The following FAT4 variants were observed in gnomAD, a reference collection of about 807,000 sequenced individuals.
The protein encoded by FAT4 is protocadherin Fat 4.
In FAT4, 84 loss-of-function variants were observed where a neutral mutation model predicts 303.9. The ratio of observed to expected loss-of-function variants is 0.28; its 90% CI spans 0.23 to 0.33. FAT4 has a LOEUF of 0.33. Ranked by LOEUF, FAT4 falls within the 10% of genes least tolerant of loss-of-function variation. The pLI, the probability that FAT4 is intolerant of heterozygous loss-of-function variation, is 1.00. For missense variants in FAT4, 6,005 were observed against 6,146.8 expected (o/e 0.98, Z 0.77); for synonymous variants, 2,307 against 2,298.8 (o/e 1.00, Z -0.10).
At chr4:125,350,523 C>T (rs1389679411) in intron 2 of FAT4, among the ~76,000 whole-genome samples, 1 of 151,626 alleles carries the variant, frequency 6.6e-6, no homozygotes, top group Non-Finnish European at 1.5e-5. Context: ...GAGTGAAAGA[C>T]TAGGAAGGAA....
chr4:125,317,731 C>T lies in FAT4; in HGVS notation c.1320C>T (p.Val440=), dbSNP rs1730688076. The part of the protein sequence containing the change: ...RIPSYNLTVS[V]SDNYGAPPGA... ...CTTCCTACAACCTCACAGTTTCCGT[C>T]TCTGATAACTACGGGGCGCCCCCTG... The change falls in exon 2 of 18, where the codon GTC becomes GTT. Residue 440 remains valine, a synonymous_variant. Transcript: ENST00000394329. The surrounding 1 kb of genome is among the most constrained non-coding windows in gnomAD (Gnocchi z 7.0). 1 of 1,614,152 alleles carries T rather than the reference C, an allele frequency of 6.2e-7. No individual in the cohort carries two copies. The highest frequency in any genetic ancestry group is 8.5e-7 in the Non-Finnish European group (1 of 1,180,042).
chr4:125,324,738 C>G (rs193170115), intron 2 of FAT4, among the ~76,000 whole-genome samples: 45 of 152,170 alleles, frequency 3.0e-4, no homozygotes, highest in Admixed American at 1.3e-3. Flanking sequence ...CCCCTTTATG[C>G]TCTTAAGAAT....
chr4:125,406,712 G>A (rs574593622), intron 3 of FAT4, among the ~76,000 whole-genome samples, 168 bp from the exon 4 acceptor site: 13 of 152,072 alleles, frequency 8.5e-5, no homozygotes, highest in East Asian at 1.9e-4. Context: ...AGCTTTTACC[G>A]CCTTCGTTAG....
In FAT4 at chr4:125,448,972, C is replaced by T. The variant is rs546465658; in HGVS notation, c.7962C>T (p.Tyr2654=). 48 of 1,613,804 alleles carry T rather than the reference C, an allele frequency of 3.0e-5. 1 individual carries two copies. The East Asian group carries it at 5.8e-4, about 19-fold the overall frequency. Residue 2654 remains tyrosine, a synonymous_variant, in exon 10 of 18, where the codon TAC becomes TAT. Transcript: ENST00000394329. ...RDGGFPPFSS[Y]EKLDITVLDV... Reference sequence around the variant, plus strand: ...GTGGTTTCCCTCCTTTCTCCTCTTACGAGAAACTTGATATAACAGTATTAG... The same window carrying T: ...GTGGTTTCCCTCCTTTCTCCTCTTATGAGAAACTTGATATAACAGTATTAG...
intron 17 of FAT4, 56 bp from the exon 18 acceptor site, chr4:125,489,845 C>CT: frequency 4.3e-6 from 2 of 465,044 alleles, no homozygotes; most frequent in South Asian, 2.6e-5. Context: ...GTAGTATAAG[C>CT]TCTTTTTTTT....
intron 12 of FAT4, among the ~76,000 whole-genome samples, chr4:125,474,246 A>G (rs1469205680): frequency 6.6e-6 from 1 of 152,070 alleles, no homozygotes; most frequent in Non-Finnish European, 1.5e-5. Flanking sequence ...TGAGGCATTT[A>G]TAAATATCCA....
Position 125,318,570 on chromosome 4 carries a change from C to G in FAT4, c.2159C>G (p.Thr720Ser). 1 of 1,614,140 alleles carries G rather than the reference C, an allele frequency of 6.2e-7. No homozygotes were observed. Among genetic ancestry groups the G allele is most frequent in the Non-Finnish European group, 8.5e-7 (1 of 1,180,014 alleles). The change falls in exon 2 of 18, where the codon ACC (threonine) becomes AGC (serine). Residue 720 changes from threonine to serine, a missense_variant. Transcript: ENST00000394329. ...TVSATDPDLG[T>S]NGTVKYSISA... ...TCTGCCACTGACCCAGACTTGGGTA[C>G]CAATGGTACTGTCAAATATAGCATA...
chr4:125,427,567 G>A (rs955459033), intron 7 of FAT4, among the ~76,000 whole-genome samples: 4 of 2,324 alleles, frequency 1.7e-3, no homozygotes, highest in Admixed American at 0.021. Context: ...TTTGTTTTAT[G>A]TATTTTTTGT....
At chr4:125,398,515 C>T (rs1734264824) in intron 2 of FAT4, among the ~76,000 whole-genome samples, 1 of 152,128 alleles carries the variant, frequency 6.6e-6, no homozygotes. Flanking sequence ...GACAGTTAAT[C>T]AGTGGACCTT....
intron 11 of FAT4, among the ~76,000 whole-genome samples, chr4:125,467,992 T>C (rs1198662808): frequency 6.6e-6 from 1 of 151,898 alleles, no homozygotes; most frequent in East Asian, 1.9e-4. Context: ...AGGTGAAATC[T>C]CGTCTCTATT....
intron 2 of FAT4, among the ~76,000 whole-genome samples, chr4:125,372,416 C>G (rs1292717288): frequency 6.7e-6 from 1 of 148,710 alleles, no homozygotes; most frequent in Non-Finnish European, 1.5e-5. Flanking sequence ...AGTAATGACA[C>G]TAATAACAAA....
rs764762305 is a variant in FAT4 at position 125,452,072 on chromosome 4, A to G, written c.11062A>G (p.Asn3688Asp). The change falls in exon 10 of 18, where the codon AAT (asparagine) becomes GAT (aspartate). Residue 3688 changes from asparagine (N) to aspartate (D), a missense_variant. Asn to Asp is a conservative substitution (Grantham distance 23). Transcript: ENST00000394329. ...DGTFDLTVLSNDGVHSTVTSN... is the reference protein window; with the variant it reads ...DGTFDLTVLSDDGVHSTVTSN... ...CACGTTTGATCTGACTGTCCTTAGC[A>G]ATGATGGAGTTCACAGCACAGTCAC... 6.2e-7 allele frequency: 1 copy of G among 1,614,050 alleles called. No individual in the cohort carries two copies. The highest frequency in any genetic ancestry group is 8.5e-7 in the Non-Finnish European group (1 of 1,180,034).
At chr4:125,380,229 A>G (rs1733490184) in intron 2 of FAT4, among the ~76,000 whole-genome samples, 1 of 152,178 alleles carries the variant, frequency 6.6e-6, no homozygotes, top group African/African-American at 2.4e-5. Flanking sequence ...GCAGATAGTT[A>G]CCTACTAAAA....
At chr4:125,481,779 C>T in intron 16 of FAT4, 41 bp downstream of exon 16, 4 of 1,556,264 alleles carry the variant, frequency 2.6e-6, no homozygotes, top group Non-Finnish European at 3.5e-6. Flanking sequence ...GATTAGACCG[C>T]CTGCCGTGTA....
At chr4:125,470,733 G>A (rs1376382990) in intron 12 of FAT4, among the ~76,000 whole-genome samples, 1 of 152,184 alleles carries the variant, frequency 6.6e-6, no homozygotes, top group Non-Finnish European at 1.5e-5. Context: ...TGTTGTAACA[G>A]GTTTGATCTT....
intron 7 of FAT4, among the ~76,000 whole-genome samples, chr4:125,421,388 T>C (rs1034673137): frequency 6.6e-6 from 1 of 152,226 alleles, no homozygotes; most frequent in African/African-American, 2.4e-5. Context: ...TATGAAAAAT[T>C]TGCTTGTTTT....
Position 125,449,357 on chromosome 4 carries a change from G to A in FAT4, c.8347G>A (p.Val2783Ile), listed in dbSNP as rs991625077. Reference sequence around the variant, plus strand: ...GTTTTCTCAGATATTTAGTGCCCATGTTCCTGAAAATTCCCCCTTAGGATA... The same window carrying A: ...GTTTTCTCAGATATTTAGTGCCCATATTCCTGAAAATTCCCCCTTAGGATA... The part of the protein sequence containing the change: ...PRFSQIFSAH[V>I]PENSPLGYTV... Residue 2783 changes from valine (V) to isoleucine (I), a missense_variant, in exon 10 of 18, where the codon GTT (valine) becomes ATT (isoleucine). Physicochemically the swap from Val to Ile is conservative, Grantham distance 29. Coordinates refer to ENST00000394329, the MANE Select transcript of FAT4 (RefSeq NM_001291303.3). The A allele has an allele frequency of 2.5e-6, 4 of 1,613,822 alleles. No individual in the cohort carries two copies. Among genetic ancestry groups the A allele is most frequent in the Non-Finnish European group, 3.4e-6 (4 of 1,179,886 alleles).
intron 16 of FAT4, among the ~76,000 whole-genome samples, chr4:125,484,377 T>C (rs1727336664): frequency 1.3e-5 from 2 of 152,196 alleles, no homozygotes; most frequent in South Asian, 4.1e-4. Context: ...ATTCATGGCA[T>C]GCCCTATAGC....
chr4:125,415,832 A>C, intron 6 of FAT4, 26 bp downstream of exon 6: 1 of 1,536,476 alleles, frequency 6.5e-7, no homozygotes, highest in Non-Finnish European at 8.9e-7. Context: ...TAAAGCAAGT[A>C]TTGTCTTAAT....
Sources: gnomAD v4.1 joint callset for allele counts (sites outside exome capture counted in the v4.1 genomes callset) on GRCh38, gnomAD v4.1.1 for gene constraint, Gnocchi (gnomAD v3.1) non-coding constraint, MANE v1.5 for transcripts, NCBI Gene and HGNC (gene_info 2026-07-23, HGNC 2026-07-21) for gene names.